SLC12A2: variants seen among roughly 807,000 people sequenced by gnomAD.
SLC12A2 encodes the protein solute carrier family 12 member 2, also known as Na-K-2Cl cotransporter 1.
SLC12A2 carries 67 observed loss-of-function variants against 136.3 expected under a neutral mutation model. The observed-to-expected ratio is 0.49, with a 90% CI of 0.40 to 0.60. The LOEUF is 0.60. SLC12A2 is among the 20% of genes least tolerant of loss of function. SLC12A2 has a pLI of 0.00. For synonymous variants in SLC12A2, 619 were observed against 562.9 expected (o/e 1.10, Z -1.41); for missense variants, 1,322 against 1,534.7 (o/e 0.86, Z 2.32).
chr5:128,155,615 T>A (rs552389796), intron 15 of SLC12A2, among the ~76,000 whole-genome samples: 1 of 152,154 alleles, frequency 6.6e-6, no homozygotes, highest in Non-Finnish European at 1.5e-5. Flanking sequence ...GCCAAAAGAT[T>A]TTTGTTGTCT....
intron 1 of SLC12A2, chr5:128,110,300 G>C (rs200932559): frequency 1.4e-5 from 12 of 833,502 alleles, no homozygotes; most frequent in Non-Finnish European, 2.6e-5. Flanking sequence ...GCCTACCTAC[G>C]ACTTGACTGA....
chr5:128,171,258 T>G (rs1204763091), intron 18 of SLC12A2, among the ~76,000 whole-genome samples: 5 of 152,210 alleles, frequency 3.3e-5, no homozygotes, highest in Non-Finnish European at 7.3e-5. Flanking sequence ...CAACCTGCTA[T>G]CATTCGCAGT....
chr5:128,165,967 T>TA (rs1763191201), intron 17 of SLC12A2, among the ~76,000 whole-genome samples: 1 of 140,546 alleles, frequency 7.1e-6, no homozygotes, highest in Non-Finnish European at 1.5e-5. Flanking sequence ...AAGATAGTTT[T>TA]AAAAAACTAA....
chr5:128,185,897 G>A (rs1195829868), intron 26 of SLC12A2, among the ~76,000 whole-genome samples: 5 of 151,970 alleles, frequency 3.3e-5, no homozygotes, highest in Admixed American at 3.3e-4. Flanking sequence ...ATATATGATG[G>A]TGGTACCATA....
intron 7 of SLC12A2, among the ~76,000 whole-genome samples, chr5:128,136,281 T>A (rs1762189318): frequency 6.6e-6 from 1 of 152,168 alleles, no homozygotes; most frequent in South Asian, 2.1e-4. Context: ...TTTTATAGAT[T>A]CAGGTTATTT....
At chr5:128,173,407 A>G (rs1763442467) in intron 19 of SLC12A2, among the ~76,000 whole-genome samples, 2 of 152,216 alleles carry the variant, frequency 1.3e-5, no homozygotes, top group Admixed American at 1.3e-4. Context: ...ATATAGTTCT[A>G]TCATTTACTG....
chr5:128,091,608 A>G (rs551179098), intron 1 of SLC12A2, among the ~76,000 whole-genome samples: 2 of 152,174 alleles, frequency 1.3e-5, no homozygotes, highest in Admixed American at 6.5e-5. Flanking sequence ...CATGAAAGCT[A>G]CTATCAGCTG....
chr5:128,135,304 T>C (rs984915054), intron 6 of SLC12A2, among the ~76,000 whole-genome samples: 4 of 152,052 alleles, frequency 2.6e-5, no homozygotes, highest in Non-Finnish European at 4.4e-5. Flanking sequence ...ATAAAACTTG[T>C]GTTTGTGTCC....
intron 1 of SLC12A2, among the ~76,000 whole-genome samples, chr5:128,104,358 G>A (rs1422876132): frequency 2.0e-5 from 3 of 152,096 alleles, no homozygotes; most frequent in Admixed American, 1.3e-4. Flanking sequence ...GAATCCGGGT[G>A]TGGTGGCTTG....
At chr5:128,110,023 C>T in intron 1 of SLC12A2, 1 of 1,070,876 alleles carries the variant, frequency 9.3e-7, no homozygotes, top group Non-Finnish European at 1.5e-6. Context: ...GTAGAAATCC[C>T]AAAAAGACTT....
Position 128,134,217 on chromosome 5 carries a change from C to T in SLC12A2, c.1241C>T (p.Ala414Val), listed in dbSNP as rs201590109. Residue 414 changes from alanine (A) to valine (V), a missense_variant, in exon 6 of 27, where the codon GCC (alanine) becomes GTC (valine). Ala to Val is a moderately conservative substitution (Grantham distance 64). Coordinates refer to ENST00000262461, the MANE Select transcript of SLC12A2 (RefSeq NM_001046.3). ...DEINDIRIIGAITVVILLGIS... is the reference protein window; with the variant it reads ...DEINDIRIIGVITVVILLGIS... ...ATCAATGATATCCGAATTATTGGAG[C>T]CATTACAGTCGTGATTCTTTTAGGT... 7 of 1,607,780 alleles carry T rather than the reference C, an allele frequency of 4.4e-6. No homozygotes were observed. In the South Asian group the frequency reaches 7.7e-5, roughly 18 times the overall value.
intron 4 of SLC12A2, among the ~76,000 whole-genome samples, chr5:128,120,849 T>G (rs925239153): frequency 6.6e-6 from 1 of 152,080 alleles, no homozygotes; most frequent in Non-Finnish European, 1.5e-5. Flanking sequence ...CCCTAAAACT[T>G]AAAGTATAAT....
chr5:128,164,222 A>G (rs1397156712), intron 17 of SLC12A2, among the ~76,000 whole-genome samples: 1 of 152,124 alleles, frequency 6.6e-6, no homozygotes, highest in Non-Finnish European at 1.5e-5. Flanking sequence ...GTTTGAGGTG[A>G]TGCTGCTGAT....
intron 5 of SLC12A2, 126 bp downstream of exon 5, chr5:128,131,332 T>C: frequency 1.0e-6 from 1 of 971,628 alleles, no homozygotes; most frequent in Non-Finnish European, 1.6e-6. Context: ...TCATAAAGTT[T>C]ACTACAGGAG....
intron 2 of SLC12A2, among the ~76,000 whole-genome samples, chr5:128,113,603 A>G (rs1761237526): frequency 1.3e-5 from 2 of 152,174 alleles, no homozygotes; most frequent in South Asian, 4.1e-4. Flanking sequence ...TATTAATTTT[A>G]TTGCCTAATC....
chr5:128,155,923 A>G (rs938174408), intron 15 of SLC12A2, among the ~76,000 whole-genome samples: 2 of 152,100 alleles, frequency 1.3e-5, no homozygotes, highest in African/African-American at 4.8e-5. Flanking sequence ...TAAAGGTTTC[A>G]GGGTTCAGTA....
intron 15 of SLC12A2, among the ~76,000 whole-genome samples, chr5:128,154,702 G>A (rs1762818527): frequency 6.6e-6 from 1 of 152,126 alleles, no homozygotes; most frequent in South Asian, 2.1e-4. Flanking sequence ...TGATTGTCAT[G>A]AGTCAGAACA....
rs951352241 is a variant in SLC12A2, at chr5:128,171,867, G to T, written c.2803+121G>T. 37 of 606,620 alleles carry T rather than the reference G, an allele frequency of 6.1e-5. No homozygotes were observed. In the African/African-American group the frequency reaches 6.4e-4, roughly 10 times the overall value. 37.6% of individuals were successfully genotyped at this position (606,620 alleles called of 1,614,324 possible). On this transcript the variant is annotated intron_variant, in intron 19 of 26. Coordinates refer to ENST00000262461, the MANE Select transcript of SLC12A2 (RefSeq NM_001046.3). ...AATAATTATGTATCGTGGACTTATT[G>T]TATGGCATTTTAAGATCACATCTGT... is the stretch of plus-strand genomic sequence containing the variant.
Position 128,151,368 on chromosome 5 carries a change from G to A in SLC12A2, c.2235G>A (p.Leu745=). ...TAACATATGTGATAGTCCTTGGGCT[G>A]TATATTTATGTTACCTACAAAAAAC... is the stretch of plus-strand genomic sequence containing the variant. ...ALLTYVIVLG[L]YIYVTYKKPD... Residue 745 remains leucine (L), a synonymous_variant, in exon 14 of 27, where the codon CTG becomes CTA. Coordinates refer to ENST00000262461, the MANE Select transcript of SLC12A2 (RefSeq NM_001046.3). 2 of 1,607,094 alleles carry A rather than the reference G, an allele frequency of 1.2e-6. No homozygotes were observed. Among genetic ancestry groups the A allele is most frequent in the South Asian group, 1.1e-5 (1 of 89,334 alleles).
Sources: allele counts gnomAD v4.1 joint callset (sites outside exome capture counted in the v4.1 genomes callset), GRCh38; gene constraint gnomAD v4.1.1; transcripts MANE v1.5; gene names NCBI Gene and HGNC (gene_info 2026-07-23, HGNC 2026-07-21).